The following ANO10 variants were observed in gnomAD, a reference collection of about 807,000 sequenced individuals.
ANO10 encodes anoctamin-10.
A neutral mutation model predicts 74.7 loss-of-function variants in ANO10; 77 were observed. That is an observed-to-expected ratio of 1.03 (90% CI 0.86 to 1.25). The LOEUF (loss-of-function observed/expected upper bound fraction) is 1.25. Among genes scored for constraint, ANO10 ranks in the 50% most tolerant of loss-of-function variants. The probability of loss-of-function intolerance (pLI) is 0.00; values close to 1 mark genes in which losing one functional copy is unlikely to be tolerated. For synonymous variants in ANO10, 279 were observed against 284.9 expected (o/e 0.98, Z 0.21); for missense variants, 721 against 778.1 (o/e 0.93, Z 0.87).
chr3:43,588,669 G>T (rs528976939), intron 4 of ANO10, among the ~76,000 whole-genome samples: 2 of 151,652 alleles, frequency 1.3e-5, no homozygotes, highest in African/African-American at 2.4e-5. Context: ...AAAGTAAAAG[G>T]CTGGGCAAAA....
chr3:43,651,768 T>A (rs1038699500), intron 1 of ANO10, among the ~76,000 whole-genome samples: 1 of 152,168 alleles, frequency 6.6e-6, no homozygotes, highest in African/African-American at 2.4e-5. Context: ...CAGGGGCAGG[T>A]TCTATTTTGT....
chr3:43,416,114 C>T lies in ANO10; in HGVS notation c.1914+16497G>A, dbSNP rs541461123. Among the ~76,000 whole-genome samples, 4 of 152,160 alleles carry T rather than the reference C, an allele frequency of 2.6e-5. No homozygotes were observed. The South Asian group carries it at 8.3e-4, about 32-fold the overall frequency. ...AGTAGAGGGGTTGGAGCTGTATCTT[C>T]CAGACATTTGGCAGTTCATTTTCTC... On this transcript the variant is annotated intron_variant, in intron 12 of 12. Transcript: ENST00000292246.
intron 10 of ANO10, chr3:43,551,523 C>T (rs941899897): frequency 9.0e-5 from 41 of 457,082 alleles, no homozygotes; most frequent in Non-Finnish European, 1.7e-4. Flanking sequence ...CCATTTCCCC[C>T]AAAAGATTCC....
intron 1 of ANO10, among the ~76,000 whole-genome samples, chr3:43,682,458 A>C (rs1268273702): frequency 2.0e-5 from 3 of 152,200 alleles, no homozygotes; most frequent in Non-Finnish European, 1.5e-5. Flanking sequence ...AACCAAAAAA[A>C]GTTCAGGACC....
At chr3:43,659,859 C>T (rs2083901298) in intron 1 of ANO10, among the ~76,000 whole-genome samples, 1 of 152,120 alleles carries the variant, frequency 6.6e-6, no homozygotes, top group South Asian at 2.1e-4. Flanking sequence ...ACCAGATGCC[C>T]CTCTGGGACA....
At chr3:43,620,001 T>C (rs2083306912) in intron 1 of ANO10, among the ~76,000 whole-genome samples, 1 of 152,198 alleles carries the variant, frequency 6.6e-6, no homozygotes, top group African/African-American at 2.4e-5. Context: ...TGTGAGCTTT[T>C]AACCATTAAA....
chr3:43,400,583 G>A (rs1035736971), intron 12 of ANO10, among the ~76,000 whole-genome samples: 7 of 152,120 alleles, frequency 4.6e-5, no homozygotes, highest in African/African-American at 1.2e-4. Context: ...AAACCAGCCT[G>A]GGCAACATGG....
intron 12 of ANO10, among the ~76,000 whole-genome samples, chr3:43,384,732 A>G (rs548630742): frequency 1.4e-4 from 21 of 152,362 alleles, no homozygotes; most frequent in Admixed American, 1.3e-3. Context: ...GAAGAATGAG[A>G]CTGGATCTTC....
intron 12 of ANO10, among the ~76,000 whole-genome samples, chr3:43,430,985 G>A (rs967925845): frequency 5.9e-5 from 9 of 151,704 alleles, no homozygotes; most frequent in African/African-American, 2.2e-4. Flanking sequence ...AAAGAAACAC[G>A]ATTTTAGATA....
chr3:43,634,728 C>T (rs2083588056), intron 1 of ANO10, among the ~76,000 whole-genome samples: 1 of 152,162 alleles, frequency 6.6e-6, no homozygotes, highest in Admixed American at 6.5e-5. Flanking sequence ...ATGATCCTTG[C>T]CCTCACTGAG....
intron 1 of ANO10, among the ~76,000 whole-genome samples, chr3:43,677,542 C>T (rs916765429): frequency 8.5e-5 from 13 of 152,196 alleles, no homozygotes; most frequent in Non-Finnish European, 1.6e-4. Context: ...AATATAGTGG[C>T]TTAAAACCAT....
intron 11 of ANO10, among the ~76,000 whole-genome samples, chr3:43,478,525 CTA>C (rs2076157115): frequency 6.6e-6 from 1 of 152,182 alleles, no homozygotes; most frequent in Admixed American, 6.5e-5. Flanking sequence ...ACTGTAGTGA[CTA>C]TGTGTGAGTG....
intron 1 of ANO10, among the ~76,000 whole-genome samples, chr3:43,669,750 G>A (rs1440803914): frequency 6.6e-6 from 1 of 151,692 alleles, no homozygotes; most frequent in Non-Finnish European, 1.5e-5. Flanking sequence ...ATTTAGAAAT[G>A]GAGTTTTTGC....
chr3:43,525,249 A>G (rs1381069578), intron 11 of ANO10, among the ~76,000 whole-genome samples: 1 of 152,046 alleles, frequency 6.6e-6, no homozygotes, highest in Non-Finnish European at 1.5e-5. Flanking sequence ...CTGGGACTCC[A>G]TGGTCCCTGG....
At chr3:43,619,868 CAAAAAAAAA>C (rs746826623) in intron 1 of ANO10, among the ~76,000 whole-genome samples, 4 of 79,924 alleles carry the variant, frequency 5.0e-5, no homozygotes, top group Admixed American at 3.9e-4. Context: ...AGACCTTGTC[CAAAAAAAAA>C]AAAAAAAAAA....
intron 11 of ANO10, among the ~76,000 whole-genome samples, chr3:43,488,754 T>C (rs1271015799): frequency 0.011 from 1,703 of 152,084 alleles, 31 homozygotes; most frequent in Non-Finnish European, 0.013. Context: ...TTGTGGAAGT[T>C]GGTGTGGCGA....
intron 11 of ANO10, among the ~76,000 whole-genome samples, chr3:43,497,952 T>C (rs977933207): frequency 2.0e-5 from 3 of 152,316 alleles, no homozygotes; most frequent in Non-Finnish European, 4.4e-5. Context: ...GCATGTATCT[T>C]AATGGTGATG....
intron 11 of ANO10, among the ~76,000 whole-genome samples, chr3:43,484,793 G>A (rs888370737): frequency 6.6e-6 from 1 of 152,288 alleles, no homozygotes; most frequent in East Asian, 1.9e-4. Flanking sequence ...CCAAGAGAGG[G>A]TCCATTCAGT....
intron 1 of ANO10, among the ~76,000 whole-genome samples, chr3:43,628,895 A>T (rs1430885097): frequency 6.6e-6 from 1 of 152,092 alleles, no homozygotes; most frequent in African/African-American, 2.4e-5. Flanking sequence ...GGTGCCCGAA[A>T]CTTCATTAGC....
Sources: gnomAD v4.1 joint callset for allele counts (sites outside exome capture counted in the v4.1 genomes callset) on GRCh38, gnomAD v4.1.1 for gene constraint, MANE v1.5 for transcripts, NCBI Gene and HGNC (gene_info 2026-07-23, HGNC 2026-07-21) for gene names.